MARCHF3: variants seen among roughly 807,000 people sequenced by gnomAD.
MARCHF3 encodes E3 ubiquitin-protein ligase MARCHF3.
Under a neutral mutation model 24.2 loss-of-function variants are expected in MARCHF3, and 13 were observed. That is an observed-to-expected ratio of 0.54 (90% CI 0.35 to 0.85). The LOEUF is 0.85. MARCHF3 is among the 40% of genes least tolerant of loss of function. The pLI, the probability that MARCHF3 is intolerant of heterozygous loss-of-function variation, is 0.01. For synonymous variants in MARCHF3, 144 were observed against 137.3 expected, an observed-to-expected ratio of 1.05 and a Z score of -0.34; for missense variants, 276 against 325.0, an observed-to-expected ratio of 0.85 and a Z score of 1.16.
At chr5:126,998,459 C>A (rs1306973530) in intron 1 of MARCHF3, among the ~76,000 whole-genome samples, 1 of 152,150 alleles carries the variant, frequency 6.6e-6, no homozygotes, top group Non-Finnish European at 1.5e-5. Context: ...GGGCATTTGG[C>A]CTTTCACCAA....
chr5:126,951,444 T>A (rs1004674418), intron 1 of MARCHF3, among the ~76,000 whole-genome samples: 1 of 152,176 alleles, frequency 6.6e-6, no homozygotes, highest in African/African-American at 2.4e-5. Flanking sequence ...AACATCTCCA[T>A]GTAGCCGAGT....
chr5:126,912,031 C>T (rs1754551769), intron 3 of MARCHF3, among the ~76,000 whole-genome samples: 2 of 152,188 alleles, frequency 1.3e-5, no homozygotes. Context: ...GTGAGGAGGG[C>T]ATGCCCAGTT....
intron 1 of MARCHF3, among the ~76,000 whole-genome samples, chr5:126,973,087 T>C (rs1039348630): frequency 1.3e-5 from 2 of 152,260 alleles, no homozygotes; most frequent in African/African-American, 4.8e-5. Context: ...TGCCTGAATA[T>C]AAGACCTAAT....
intron 1 of MARCHF3, among the ~76,000 whole-genome samples, chr5:126,955,596 A>G (rs1173581895): frequency 1.3e-5 from 2 of 152,178 alleles, no homozygotes; most frequent in African/African-American, 4.8e-5. Context: ...TTGGTTCTTT[A>G]AATCCGCTCC....
chr5:126,912,835 G>A (rs572539109), intron 3 of MARCHF3, among the ~76,000 whole-genome samples: 33 of 152,332 alleles, frequency 2.2e-4, no homozygotes, highest in African/African-American at 7.7e-4. Flanking sequence ...GGGAAGGTTT[G>A]CCTTTCACTT....
At chr5:126,918,351 G>T in intron 1 of MARCHF3, 124 bp from the exon 2 acceptor site, 1 of 624,742 alleles carries the variant, frequency 1.6e-6, no homozygotes, top group Non-Finnish European at 2.7e-6. Context: ...CCTAGATGTG[G>T]CACATTATCT....
chr5:127,004,776 C>A (rs1422595084), intron 1 of MARCHF3, among the ~76,000 whole-genome samples: 1 of 152,192 alleles, frequency 6.6e-6, no homozygotes, highest in Non-Finnish European at 1.5e-5. Context: ...AGCTGCAAAA[C>A]CCCAGTGAAG....
intron 1 of MARCHF3, among the ~76,000 whole-genome samples, chr5:126,960,374 C>T (rs1226879637): frequency 1.3e-5 from 2 of 152,054 alleles, no homozygotes; most frequent in Non-Finnish European, 2.9e-5. Context: ...AGTCATAATG[C>T]CCCTTGGGAC....
intron 1 of MARCHF3, among the ~76,000 whole-genome samples, chr5:127,005,441 G>A (rs1752279303): frequency 1.3e-5 from 2 of 151,932 alleles, no homozygotes; most frequent in Admixed American, 1.3e-4. Context: ...CAGCCAGGAA[G>A]TTTTGATTGA....
In MARCHF3 at chr5:126,923,148, TTAAAA is replaced by T. The variant is rs200870571; in HGVS notation, c.-56-4926_-56-4922del. Among the ~76,000 whole-genome samples, 1,285 of 152,190 alleles carry T rather than the reference TTAAAA, an allele frequency of 8.4e-3. 18 individuals are homozygous for T. The highest frequency in any genetic ancestry group is 0.025 in the East Asian group (131 of 5,174). ...ACATCCTGCACATGTACCCCCGAAC[TTAAAA>T]TAAAAGTTGAAAAAAGAAAAACAAA... On this transcript the variant is annotated intron_variant, in intron 1 of 4. Transcript: ENST00000308660.
intron 1 of MARCHF3, among the ~76,000 whole-genome samples, chr5:126,936,237 G>A (rs758216395): frequency 1.6e-4 from 25 of 152,100 alleles, no homozygotes; most frequent in Non-Finnish European, 3.4e-4. Flanking sequence ...TAATGTTTGA[G>A]CCTTTTTAAA....
At chr5:126,902,679 A>G (rs1307091363) in intron 3 of MARCHF3, among the ~76,000 whole-genome samples, 1 of 152,108 alleles carries the variant, frequency 6.6e-6, no homozygotes, top group Non-Finnish European at 1.5e-5. Context: ...AGTGATTTTT[A>G]ATGAAGCAAG....
At chr5:126,872,932 C>T (rs1463473127) in intron 4 of MARCHF3, among the ~76,000 whole-genome samples, 3 of 151,914 alleles carry the variant, frequency 2.0e-5, no homozygotes, top group Non-Finnish European at 4.4e-5. Flanking sequence ...GTAGGAGAGG[C>T]AGGCTGGGAA....
chr5:126,958,654 T>G (rs565904013), intron 1 of MARCHF3, among the ~76,000 whole-genome samples: 33 of 152,308 alleles, frequency 2.2e-4, no homozygotes, highest in Admixed American at 1.1e-3. Flanking sequence ...GTACTGAATA[T>G]TCTTCTAGTT....
At chr5:126,951,143 A>T (rs1750216924) in intron 1 of MARCHF3, among the ~76,000 whole-genome samples, 1 of 152,220 alleles carries the variant, frequency 6.6e-6, no homozygotes, top group Non-Finnish European at 1.5e-5. Flanking sequence ...TCGCCACAGC[A>T]TATGATCTCA....
At chr5:126,888,409 C>A (rs898300861) in intron 3 of MARCHF3, among the ~76,000 whole-genome samples, 5 of 152,232 alleles carry the variant, frequency 3.3e-5, no homozygotes, top group Admixed American at 2.0e-4. Flanking sequence ...ATGCTACACA[C>A]ACTCACACCA....
intron 1 of MARCHF3, among the ~76,000 whole-genome samples, chr5:126,971,352 G>A (rs545626425): frequency 8.0e-5 from 12 of 150,776 alleles, no homozygotes; most frequent in Non-Finnish European, 1.3e-4. Context: ...GGGTGGCTGA[G>A]GCAGGAAAAT....
chr5:126,944,887 ATTT>A (rs1176154265), intron 1 of MARCHF3, among the ~76,000 whole-genome samples: 1 of 152,180 alleles, frequency 6.6e-6, no homozygotes, highest in Non-Finnish European at 1.5e-5. Flanking sequence ...TGTTGGTATT[ATTT>A]TTATTACATA....
intron 1 of MARCHF3, among the ~76,000 whole-genome samples, chr5:127,013,541 A>C (rs570299178): frequency 6.6e-6 from 1 of 152,216 alleles, no homozygotes; most frequent in East Asian, 1.9e-4. Context: ...AATCTACCCA[A>C]GTTATTAAGT....
Sources: allele counts gnomAD v4.1 joint callset (sites outside exome capture counted in the v4.1 genomes callset), GRCh38; gene constraint gnomAD v4.1.1; transcripts MANE v1.5; gene names NCBI Gene and HGNC (gene_info 2026-07-23, HGNC 2026-07-21).